The following CSMD1 variants were observed in gnomAD, a reference collection of about 807,000 sequenced individuals.
CSMD1 encodes CUB and Sushi multiple domains 1.
Under a neutral mutation model 417.5 loss-of-function variants are expected in CSMD1, and 213 were observed. That is an observed-to-expected ratio of 0.51 (90% CI 0.46 to 0.57). The LOEUF (loss-of-function observed/expected upper bound fraction) is 0.57. Ranked by LOEUF, CSMD1 falls within the 20% of genes least tolerant of loss-of-function variation. The pLI is 0.00. For missense variants in CSMD1, 6,923 were observed against 4,529.7 expected (o/e 1.53, Z -15.17); for synonymous variants, 2,862 against 1,736.8 (o/e 1.65, Z -16.11).
intron 10 of CSMD1, among the ~76,000 whole-genome samples, chr8:3,500,370 C>A (rs1369235976): frequency 6.6e-6 from 1 of 152,050 alleles, no homozygotes; most frequent in Non-Finnish European, 1.5e-5. Context: ...GCCACTGTGG[C>A]CAGTGAGCAT....
chr8:3,490,056 T>G (rs1039554539), intron 11 of CSMD1, among the ~76,000 whole-genome samples: 1 of 152,238 alleles, frequency 6.6e-6, no homozygotes, highest in African/African-American at 2.4e-5. Flanking sequence ...TCAAAAGTAT[T>G]TGTCGATGTA....
chr8:4,868,398 C>G (rs1475026132), intron 1 of CSMD1, among the ~76,000 whole-genome samples: 1 of 152,094 alleles, frequency 6.6e-6, no homozygotes, highest in East Asian at 1.9e-4. Flanking sequence ...CTACACCCGA[C>G]TAATTTTTGT....
intron 10 of CSMD1, among the ~76,000 whole-genome samples, chr8:3,566,343 C>G (rs1799707262): frequency 6.6e-6 from 1 of 152,110 alleles, no homozygotes; most frequent in Non-Finnish European, 1.5e-5. Context: ...ACATATTCCT[C>G]ACAACAAAAT....
intron 1 of CSMD1, among the ~76,000 whole-genome samples, chr8:4,950,334 C>T (rs1439977750): frequency 6.6e-6 from 1 of 151,924 alleles, no homozygotes; most frequent in Non-Finnish European, 1.5e-5. Flanking sequence ...TTGCAGTTGT[C>T]TTTAAAAGAC....
At chr8:4,547,892 A>T (rs1163417380) in intron 2 of CSMD1, among the ~76,000 whole-genome samples, 1 of 152,182 alleles carries the variant, frequency 6.6e-6, no homozygotes, top group East Asian at 1.9e-4. Flanking sequence ...TCTGAGCAAT[A>T]ATTCAGCCAT....
chr8:3,805,337 T>G (rs1800672411), intron 5 of CSMD1, among the ~76,000 whole-genome samples: 1 of 152,068 alleles, frequency 6.6e-6, no homozygotes, highest in South Asian at 2.1e-4. Flanking sequence ...AAGCTACAAC[T>G]TTTTCCAGGA....
chr8:3,994,615 C>T (rs911749149), intron 5 of CSMD1, among the ~76,000 whole-genome samples: 1 of 151,794 alleles, frequency 6.6e-6, no homozygotes, highest in African/African-American at 2.4e-5. Flanking sequence ...AATTAGAATC[C>T]GACTAGTTAA....
intron 3 of CSMD1, among the ~76,000 whole-genome samples, chr8:4,195,119 T>C (rs1027875569): frequency 3.9e-5 from 6 of 152,212 alleles, no homozygotes; most frequent in African/African-American, 1.4e-4. Flanking sequence ...AGATGAAACA[T>C]TTTAAAGGAA....
At chr8:4,672,690 G>A (rs1805402431) in intron 1 of CSMD1, among the ~76,000 whole-genome samples, 1 of 151,382 alleles carries the variant, frequency 6.6e-6, no homozygotes, top group African/African-American at 2.4e-5. Flanking sequence ...GAGAAAGGAA[G>A]TAAGACTGCG....
At chr8:4,841,930 A>AAAAAAAAAAAAAAC (rs1192383183) in intron 1 of CSMD1, among the ~76,000 whole-genome samples, 7 of 122,480 alleles carry the variant, frequency 5.7e-5, no homozygotes, top group Admixed American at 1.6e-4. Context: ...AAAAAAAAAA[A>AAAAAAAAAAAAAAC]AAAAAAAAGT....
chr8:4,934,825 A>C (rs142743193), intron 1 of CSMD1, among the ~76,000 whole-genome samples: 110 of 152,126 alleles, frequency 7.2e-4, no homozygotes, highest in African/African-American at 2.6e-3. Flanking sequence ...TGTATCAATC[A>C]CCTATCATCC....
At chr8:4,547,796 T>A (rs55769566) in intron 2 of CSMD1, among the ~76,000 whole-genome samples, 5,494 of 152,142 alleles carry the variant, frequency 0.036, 140 homozygotes, top group Non-Finnish European at 0.056. Flanking sequence ...TTCAAGAAAA[T>A]AGAGTGTTAA....
intron 3 of CSMD1, among the ~76,000 whole-genome samples, chr8:4,343,035 A>C (rs1328650629): frequency 6.6e-6 from 1 of 152,106 alleles, no homozygotes; most frequent in African/African-American, 2.4e-5. Context: ...TCCAACCCTC[A>C]TATTCAACAT....
At chr8:4,206,765 A>G (rs1406962853) in intron 3 of CSMD1, among the ~76,000 whole-genome samples, 3 of 152,198 alleles carry the variant, frequency 2.0e-5, no homozygotes, top group African/African-American at 4.8e-5. Context: ...ATGAAACCAT[A>G]TCATTTCTTT....
chr8:3,640,755 A>T, intron 7 of CSMD1, among the ~76,000 whole-genome samples: 1 of 152,188 alleles, frequency 6.6e-6, no homozygotes, highest in East Asian at 1.9e-4. Flanking sequence ...ATTGTACAGG[A>T]AGTGAGACAT....
At chr8:4,755,721 G>A (rs1016300580) in intron 1 of CSMD1, among the ~76,000 whole-genome samples, 17 of 152,074 alleles carry the variant, frequency 1.1e-4, no homozygotes, top group Non-Finnish European at 1.9e-4. Context: ...TCTTGCTTCC[G>A]TTTTCTGTAT....
chr8:4,832,183 T>C (rs1481420362), intron 1 of CSMD1, among the ~76,000 whole-genome samples: 1 of 152,174 alleles, frequency 6.6e-6, no homozygotes. Flanking sequence ...CAAACATGCA[T>C]GGAACGCCCT....
chr8:4,189,282 T>C (rs987810903), intron 3 of CSMD1, among the ~76,000 whole-genome samples: 2 of 152,294 alleles, frequency 1.3e-5, no homozygotes, highest in Non-Finnish European at 1.5e-5. Context: ...TTCCTATCTC[T>C]TTACTCAAGA....
At chr8:4,551,204 C>G (rs1031505024) in intron 2 of CSMD1, among the ~76,000 whole-genome samples, 6 of 152,144 alleles carry the variant, frequency 3.9e-5, no homozygotes, top group Non-Finnish European at 7.3e-5. Context: ...TCCACCAGCT[C>G]CACCAACCCT....
Sources: gnomAD v4.1 joint callset for allele counts (sites outside exome capture counted in the v4.1 genomes callset) on GRCh38, gnomAD v4.1.1 for gene constraint, MANE v1.5 for transcripts, NCBI Gene and HGNC (gene_info 2026-07-23, HGNC 2026-07-21) for gene names.